Variants in FAM107B observed in about 807,000 individuals in gnomAD.
FAM107B encodes the protein family with sequence similarity 107 member B.
Under a neutral mutation model 31.5 loss-of-function variants are expected in FAM107B, and 21 were observed. The observed-to-expected ratio is 0.67, with a 90% CI of 0.47 to 0.96. FAM107B has a LOEUF of 0.96. Among genes scored for constraint, FAM107B ranks in the 40% least tolerant of loss-of-function variants. The pLI, the probability that FAM107B is intolerant of heterozygous loss-of-function variation, is 0.00. For synonymous variants in FAM107B, 157 were observed against 141.5 expected (o/e 1.11, Z -0.78); for missense variants, 452 against 377.1 (o/e 1.20, Z -1.64).
At chr10:14,634,353 G>T (rs1853443356) in intron 2 of FAM107B, among the ~76,000 whole-genome samples, 1 of 149,414 alleles carries the variant, frequency 6.7e-6, no homozygotes, top group African/African-American at 2.5e-5. Context: ...TGAGCCAAGA[G>T]CATGCCACTG....
intron 2 of FAM107B, chr10:14,553,301 A>G (rs928198738): frequency 4.9e-6 from 6 of 1,231,124 alleles, no homozygotes; most frequent in Non-Finnish European, 6.3e-6. Context: ...TGACCGAGAC[A>G]GTAAATTTCC....
At chr10:14,557,546 T>C (rs1355633190) in intron 2 of FAM107B, among the ~76,000 whole-genome samples, 1 of 145,488 alleles carries the variant, frequency 6.9e-6, no homozygotes, top group African/African-American at 2.4e-5. Context: ...TAAAATGGGA[T>C]TCTTTGTCAT....
At position 14,665,703 on chromosome 10, in the gene FAM107B, A is replaced by G. The variant is rs1286845135; in HGVS notation, c.469+1931T>C. 3.3e-5 allele frequency among the ~76,000 whole-genome samples: 5 copies of G among 152,246 alleles called. No homozygotes were observed. The South Asian group carries it at 1.0e-3, about 31-fold the overall frequency. ...CCACCACTGCCCCTACTATGCCCCT[A>G]TTATGAAAGTAGGCTTTCAAACTCC... On this transcript the variant is annotated intron_variant, in intron 2 of 4. Coordinates refer to ENST00000181796, the MANE Select transcript of FAM107B (RefSeq NM_031453.4).
intron 1 of FAM107B, among the ~76,000 whole-genome samples, chr10:14,761,429 GC>G (rs1330786244): frequency 8.5e-5 from 13 of 152,050 alleles, no homozygotes; most frequent in Non-Finnish European, 1.9e-4. Context: ...CCACATTGAG[GC>G]TTTTTATAAG....
intron 1 of FAM107B, among the ~76,000 whole-genome samples, chr10:14,677,731 G>C (rs1854725296): frequency 6.6e-6 from 1 of 152,168 alleles, no homozygotes; most frequent in Non-Finnish European, 1.5e-5. Flanking sequence ...ACTTGCTCAG[G>C]ACTGAGGGGT....
At chr10:14,711,453 C>T (rs1346932172) in intron 1 of FAM107B, among the ~76,000 whole-genome samples, 4 of 152,136 alleles carry the variant, frequency 2.6e-5, no homozygotes, top group East Asian at 1.9e-4. Flanking sequence ...TACTTACCAT[C>T]GTGTTACAAT....
At chr10:14,597,046 G>A (rs186149549) in intron 2 of FAM107B, among the ~76,000 whole-genome samples, 11 of 152,134 alleles carry the variant, frequency 7.2e-5, no homozygotes, top group African/African-American at 1.7e-4. Flanking sequence ...CTCTCTTTCC[G>A]ATACACTACT....
intron 2 of FAM107B, among the ~76,000 whole-genome samples, chr10:14,654,161 C>T (rs557074602): frequency 4.0e-5 from 6 of 150,082 alleles, no homozygotes; most frequent in African/African-American, 1.2e-4. Context: ...CTAGTTCTTA[C>T]AATTTCTCAA....
intron 2 of FAM107B, chr10:14,604,418 CGCGTCCGAATTAA>C (rs1319522663): frequency 1.5e-5 from 3 of 201,442 alleles, no homozygotes; most frequent in Non-Finnish European, 2.6e-5. Context: ...CGCGGCCCCG[CGCGTCCGAATTAA>C]GCGGCGGGGC....
At chr10:14,600,072 T>C (rs895746237) in intron 2 of FAM107B, among the ~76,000 whole-genome samples, 5 of 152,076 alleles carry the variant, frequency 3.3e-5, no homozygotes, top group African/African-American at 1.2e-4. Flanking sequence ...TGAGTCCGAA[T>C]AATGTTCTTA....
In FAM107B at chr10:14,551,493, T is replaced by C. The variant is rs545914409; in HGVS notation, c.470-20978A>G. 7.2e-5 allele frequency among the ~76,000 whole-genome samples: 11 copies of C among 152,224 alleles called. No homozygotes were observed. The South Asian group carries it at 2.3e-3, about 32-fold the overall frequency. On this transcript the variant is annotated intron_variant, in intron 2 of 4. Coordinates refer to ENST00000181796, the MANE Select transcript of FAM107B (RefSeq NM_031453.4). ...GAGTAAGATTCCAATTATTTGTGAG[T>C]ATACTTTATTCAAGATTTTAAAATT...
At chr10:14,761,249 A>G (rs1318217191) in intron 1 of FAM107B, among the ~76,000 whole-genome samples, 1 of 152,224 alleles carries the variant, frequency 6.6e-6, no homozygotes, top group East Asian at 1.9e-4. Flanking sequence ...TGAAGATGCT[A>G]TGAAGAATCA....
At chr10:14,614,467 G>T (rs1463968046) in intron 2 of FAM107B, among the ~76,000 whole-genome samples, 1 of 152,002 alleles carries the variant, frequency 6.6e-6, no homozygotes, top group Non-Finnish European at 1.5e-5. Context: ...GAGGTTAGGG[G>T]TTCAAGATCA....
chr10:14,700,842 A>C (rs1254090629), intron 1 of FAM107B, among the ~76,000 whole-genome samples: 1 of 150,944 alleles, frequency 6.6e-6, no homozygotes, highest in East Asian at 1.9e-4. Flanking sequence ...AAAAAAAAAA[A>C]AAAAAAAAAA....
intron 1 of FAM107B, among the ~76,000 whole-genome samples, chr10:14,694,963 G>A (rs1488201667): frequency 3.3e-5 from 5 of 152,068 alleles, no homozygotes; most frequent in African/African-American, 1.2e-4. Context: ...GTTTCACTAC[G>A]ATGATGGTTT....
At position 14,669,239 on chromosome 10, in the gene FAM107B, G is replaced by T. The variant is rs796933156; in HGVS notation, c.412-1548C>A. ...AAAAAAATTAGCTGGGTGTGGTTTT[G>T]CCTGCCTGTAAATCCAGCTACTCGG... is the stretch of plus-strand genomic sequence containing the variant. On this transcript the variant is annotated intron_variant, in intron 1 of 4. Coordinates refer to ENST00000181796, the MANE Select transcript of FAM107B (RefSeq NM_031453.4). Among the ~76,000 whole-genome samples, 3 of 152,034 alleles carry T rather than the reference G, an allele frequency of 2.0e-5. No individual in the cohort carries two copies. In the East Asian group the frequency reaches 5.8e-4, roughly 30 times the overall value.
chr10:14,631,190 T>C (rs930905604), intron 2 of FAM107B, among the ~76,000 whole-genome samples: 8 of 152,182 alleles, frequency 5.3e-5, no homozygotes, highest in South Asian at 2.1e-4. Flanking sequence ...TCTCAGTGCA[T>C]ATCCCCTGGC....
intron 2 of FAM107B, among the ~76,000 whole-genome samples, chr10:14,532,130 T>A (rs568986102): frequency 6.6e-6 from 1 of 152,330 alleles, no homozygotes; most frequent in South Asian, 2.1e-4. Context: ...TGGAAAAGGC[T>A]TCTAGTTCTC....
chr10:14,635,004 G>A lies in FAM107B; in HGVS notation c.469+32630C>T, dbSNP rs576545156. Among the ~76,000 whole-genome samples, 133 of 151,954 alleles carry A rather than the reference G, an allele frequency of 8.8e-4. 1 individual carries two copies. Among genetic ancestry groups the A allele is most frequent in the African/African-American group, 3.0e-3 (123 of 41,416 alleles). The stretch of plus-strand genomic sequence containing the variant: ...CTCGGCAGGCTGAGGTGGGAGAATC[G>A]CTTGAACCCCGGAGGCGGAGGCTGC... On this transcript the variant is annotated intron_variant, in intron 2 of 4. Transcript: ENST00000181796.
Sources: allele counts gnomAD v4.1 joint callset (sites outside exome capture counted in the v4.1 genomes callset), GRCh38; gene constraint gnomAD v4.1.1; transcripts MANE v1.5; gene names NCBI Gene and HGNC (gene_info 2026-07-23, HGNC 2026-07-21).